The following CKM variants were observed in gnomAD, a reference collection of about 807,000 sequenced individuals.
CKM encodes the protein creatine kinase, M-type.
A neutral mutation model predicts 35.4 loss-of-function variants in CKM; 28 were observed. The ratio of observed to expected loss-of-function variants is 0.79; its 90% CI spans 0.59 to 1.08. The LOEUF (loss-of-function observed/expected upper bound fraction) is 1.08. Ranked by LOEUF, CKM falls within the 50% of genes least tolerant of loss-of-function variation. The pLI is 0.00. For missense variants in CKM, 484 were observed against 509.8 expected (o/e 0.95, Z 0.49); for synonymous variants, 215 against 204.4 (o/e 1.05, Z -0.44).
At chr19:45,313,265 AT>A (rs1159162612) in intron 4 of CKM, among the ~76,000 whole-genome samples, 1 of 151,944 alleles carries the variant, frequency 6.6e-6, no homozygotes, top group Non-Finnish European at 1.5e-5. Flanking sequence ...CTTTCTCATT[AT>A]TACTATATCT....
In CKM at chr19:45,308,392, T is replaced by C; in HGVS notation, c.777+17A>G. On this transcript the variant is annotated intron_variant, in intron 6 of 7. Coordinates refer to ENST00000221476, the MANE Select transcript of CKM (RefSeq NM_001824.5). ...CAAGGTGGAGTCAGAAGTCAGCAGC[T>C]AAGGGCAGACACCCACCTTCTGCAG... The C allele has an allele frequency of 6.2e-7, 1 of 1,614,044 alleles. No homozygotes were observed. Among genetic ancestry groups the C allele is most frequent in the South Asian group, 1.1e-5 (1 of 91,084 alleles).
At position 45,319,887 on chromosome 19, in the gene CKM, T is replaced by C. The variant is rs113052888; in HGVS notation, c.-18-156A>G. Among the ~76,000 whole-genome samples the C allele has an allele frequency of 2.7e-3, 402 of 151,540 alleles. 2 individuals carry two copies. The highest frequency in any genetic ancestry group is 8.9e-3 in the African/African-American group (367 of 41,260). On this transcript the variant is annotated intron_variant, in intron 1 of 7. Transcript: ENST00000221476. The stretch of plus-strand genomic sequence containing the variant: ...CTCACTGCAAGCTCCACCTCCTGGG[T>C]TCACACCATTCTCCCGCCTCAGCCT...
chr19:45,310,116 C>CTTTTTT lies in CKM; in HGVS notation c.654-1590_654-1585dup, dbSNP rs56240150. On this transcript the variant is annotated intron_variant, in intron 5 of 7. Coordinates refer to ENST00000221476, the MANE Select transcript of CKM (RefSeq NM_001824.5). ...AACACTTAGTGTATACCAGGCACTG[C>CTTTTTT]TTTTTTTTTTTTTTTTTTTTTTGAG... Among the ~76,000 whole-genome samples the CTTTTTT allele has an allele frequency of 7.2e-4, 68 of 93,942 alleles. 3 individuals carry two copies. Among genetic ancestry groups the CTTTTTT allele is most frequent in the Non-Finnish European group, 9.0e-4 (45 of 50,158 alleles). 61.6% of individuals were successfully genotyped at this position (93,942 alleles called of 152,430 possible).
At chr19:45,308,378 C>T (rs771409404) in intron 6 of CKM, 31 bp downstream of exon 6, 1 of 1,613,892 alleles carries the variant, frequency 6.2e-7, no homozygotes, top group Admixed American at 1.7e-5. Context: ...AAGGTGGAGT[C>T]AGAAGTCAGC....
chr19:45,318,918 G>A (rs1186423193), intron 2 of CKM, among the ~76,000 whole-genome samples: 5 of 150,644 alleles, frequency 3.3e-5, no homozygotes, highest in African/African-American at 9.8e-5. Context: ...ACAGTGGCGC[G>A]ATCTCGGCTT....
intron 2 of CKM, among the ~76,000 whole-genome samples, chr19:45,318,412 G>GAA (rs576014859): frequency 7.4e-6 from 1 of 135,452 alleles, no homozygotes. Flanking sequence ...GTCTCCAAAG[G>GAA]AAAAAAAAAA....
intron 2 of CKM, among the ~76,000 whole-genome samples, chr19:45,318,454 G>A (rs2123144069): frequency 6.6e-6 from 1 of 151,950 alleles, no homozygotes; most frequent in East Asian, 1.9e-4. Context: ...GGTGGGAACT[G>A]GGAGGGAAGG....
intron 4 of CKM, 115 bp downstream of exon 4, chr19:45,315,350 C>T: frequency 8.3e-7 from 1 of 1,208,244 alleles, no homozygotes; most frequent in Non-Finnish European, 1.2e-6. Context: ...CACGATTTAC[C>T]AAGCTCTTCC....
rs1202661964 is a variant in CKM, at chr19:45,311,874, C to T, written c.528G>A (p.Leu176=). ...GCTGCTCCTTCTCCGTCATGCTCTT[C>T]AGAGGGTAGTACTTCCCTTTGAACT... ...TGEFKGKYYP[L]KSMTEKEQQQ... Residue 176 remains leucine, a synonymous_variant, in exon 5 of 8, where the codon CTG becomes CTA. Coordinates refer to ENST00000221476, the MANE Select transcript of CKM (RefSeq NM_001824.5). 1 of 1,613,916 alleles carries T rather than the reference C, an allele frequency of 6.2e-7. No homozygotes were observed. Among genetic ancestry groups the T allele is most frequent in the Non-Finnish European group, 8.5e-7 (1 of 1,179,972 alleles).
At position 45,307,474 on chromosome 19, in the gene CKM, C is replaced by A. The variant is rs1568508688; in HGVS notation, c.954G>T (p.Gln318His). The A allele has an allele frequency of 6.2e-7, 1 of 1,613,956 alleles. No individual in the cohort carries two copies. Among genetic ancestry groups the A allele is most frequent in the East Asian group, 2.2e-5 (1 of 44,876 alleles). Reference sequence around the variant, plus strand: ...TGGGAGCCGTACCTGTACCCCTCTTCTGCAGACGCAGGCGGGTGAGGATCT... The same window carrying A: ...TGGGAGCCGTACCTGTACCCCTCTTATGCAGACGCAGGCGGGTGAGGATCT... Reference protein sequence around the residue: ...FEEILTRLRLQKRGTGGVDTA... With the variant: ...FEEILTRLRLHKRGTGGVDTA... Residue 318 changes from glutamine (Q) to histidine (H), a missense_variant, in exon 7 of 8, where the codon CAG (glutamine) becomes CAT (histidine). Gln to His is a conservative substitution (Grantham distance 24). Transcript: ENST00000221476.
intron 4 of CKM, among the ~76,000 whole-genome samples, chr19:45,314,289 G>A (rs1246628650): frequency 1.3e-5 from 2 of 152,112 alleles, no homozygotes; most frequent in African/African-American, 4.8e-5. Flanking sequence ...ACAACAGAAA[G>A]GTTCCAACTT....
At position 45,306,552 on chromosome 19, in the gene CKM, T is replaced by C. The variant is rs1954567444; in HGVS notation, c.*198A>G. On this transcript the variant is annotated 3_prime_UTR_variant, in exon 8 of 8. Transcript: ENST00000221476. The surrounding 1 kb of genome is among the most constrained non-coding windows in gnomAD (Gnocchi z 4.5). Reference sequence around the variant, plus strand: ...AGAAGAGGACCCTGCCAGGGAGATATTTCATTGGCCAGAATCCAGAGGATG... The same window carrying C: ...AGAAGAGGACCCTGCCAGGGAGATACTTCATTGGCCAGAATCCAGAGGATG... 1 of 615,624 alleles carries C rather than the reference T, an allele frequency of 1.6e-6. No homozygotes were observed. The highest frequency in any genetic ancestry group is 1.9e-5 in the South Asian group (1 of 52,246). The allele number at this position is 615,624 out of a possible 1,614,324, so 38.1% of individuals were successfully genotyped here.
intron 6 of CKM, among the ~76,000 whole-genome samples, chr19:45,307,959 G>A (rs1048208492): frequency 6.6e-6 from 1 of 151,720 alleles, no homozygotes; most frequent in Non-Finnish European, 1.5e-5. Flanking sequence ...TGCCTCCCAG[G>A]TTCAAGCGAT....
intron 5 of CKM, among the ~76,000 whole-genome samples, chr19:45,310,180 A>G (rs903632333): frequency 1.2e-4 from 14 of 116,664 alleles, no homozygotes; most frequent in South Asian, 3.0e-4. Context: ...GAGTGCAGTG[A>G]TGCGATCTTG....
intron 3 of CKM, 127 bp from the exon 4 acceptor site, chr19:45,315,724 G>C: frequency 1.6e-6 from 2 of 1,274,624 alleles, no homozygotes; most frequent in Non-Finnish European, 2.2e-6. Flanking sequence ...TCACTGATTG[G>C]GTGTGTGGAG....
intron 2 of CKM, among the ~76,000 whole-genome samples, chr19:45,318,464 G>A (rs1971180859): frequency 6.6e-6 from 1 of 151,798 alleles, no homozygotes; most frequent in Non-Finnish European, 1.5e-5. Flanking sequence ...GGGAGGGAAG[G>A]CTGGGAGAGG....
chr19:45,317,959 C>G lies in CKM; in HGVS notation c.214G>C (p.Val72Leu). The G allele has an allele frequency of 1.9e-6, 3 of 1,613,922 alleles. No homozygotes were observed. The highest frequency in any genetic ancestry group is 2.2e-5 in the South Asian group (2 of 91,062). ...DNPGHPFIMT[V>L]GCVAGDEESY... ...TCCTCATCACCAGCCACGCAGCCCA[C>G]GGTCATGATGAAGGGGTGACCTGGA... The change falls in exon 3 of 8, where the codon GTG (valine) becomes CTG (leucine). Residue 72 changes from valine to leucine, a missense_variant. Transcript: ENST00000221476.
chr19:45,321,063 A>ATTTTTTTTTTTT (rs35089528), intron 1 of CKM, among the ~76,000 whole-genome samples: 4,858 of 142,268 alleles, frequency 0.034, 139 homozygotes, highest in Non-Finnish European at 0.05. Context: ...ACACCTGGCT[A>ATTTTTTTTTTTT]TTTTTTTTTT....
chr19:45,314,255 A>G (rs1971136948), intron 4 of CKM, among the ~76,000 whole-genome samples: 1 of 152,148 alleles, frequency 6.6e-6, no homozygotes, highest in Non-Finnish European at 1.5e-5. Flanking sequence ...TCAGCAGCCC[A>G]TCAACATCAA....
Sources: allele counts gnomAD v4.1 joint callset (sites outside exome capture counted in the v4.1 genomes callset), GRCh38; gene constraint gnomAD v4.1.1; non-coding constraint Gnocchi (gnomAD v3.1); transcripts MANE v1.5; gene names NCBI Gene and HGNC (gene_info 2026-07-23, HGNC 2026-07-21).